The following MEGF11 variants were observed in gnomAD, a reference collection of about 807,000 sequenced individuals.
MEGF11 encodes the protein multiple EGF like domains 11, also known as multiple epidermal growth factor-like domains protein 11.
MEGF11 carries 126 observed loss-of-function variants against 146.6 expected under a neutral mutation model. That is an observed-to-expected ratio of 0.86 (90% CI 0.74 to 1.00). The LOEUF (loss-of-function observed/expected upper bound fraction) is 1.00. MEGF11 is among the 50% of genes least tolerant of loss of function. MEGF11 has a pLI of 0.00. For synonymous variants in MEGF11, 532 were observed against 583.4 expected (o/e 0.91, Z 1.27); for missense variants, 1,509 against 1,521.2 (o/e 0.99, Z 0.13).
intron 1 of MEGF11, among the ~76,000 whole-genome samples, chr15:66,165,682 T>G (rs972865185): frequency 3.3e-5 from 5 of 151,828 alleles, no homozygotes; most frequent in Non-Finnish European, 7.4e-5. Context: ...CTCCCTCATT[T>G]CTCCTGTCTC....
intron 5 of MEGF11, among the ~76,000 whole-genome samples, chr15:66,041,812 C>T (rs1470928980): frequency 1.3e-5 from 2 of 152,150 alleles, no homozygotes; most frequent in Non-Finnish European, 2.9e-5. Flanking sequence ...ATCATCACTC[C>T]CATTTTACAG....
At chr15:65,966,321 A>G (rs1175631036) in intron 8 of MEGF11, among the ~76,000 whole-genome samples, 1 of 152,206 alleles carries the variant, frequency 6.6e-6, no homozygotes, top group Non-Finnish European at 1.5e-5. Context: ...CTGAAATTAG[A>G]TAAGTCTTGT....
In MEGF11 at chr15:65,915,605, G is replaced by A. The variant is rs767672933; in HGVS notation, c.2345-7C>T. 7 of 1,613,404 alleles carry A rather than the reference G, an allele frequency of 4.3e-6. No homozygotes were observed. The highest frequency in any genetic ancestry group is 5.9e-6 in the Non-Finnish European group (7 of 1,179,632). ...AAGGTTCCTGGGGCACATCCTGTGT[G>A]GCACAAAGAGTTAGGGTAGAGGACC... is the stretch of plus-strand genomic sequence containing the variant. On this transcript the variant is annotated splice_polypyrimidine_tract_variant and splice_region_variant and intron_variant, in intron 18 of 25. Coordinates refer to ENST00000395614, the MANE Select transcript of MEGF11 (RefSeq NM_001385028.1).
intron 5 of MEGF11, among the ~76,000 whole-genome samples, chr15:66,015,542 A>G (rs2082857096): frequency 1.3e-5 from 2 of 152,192 alleles, no homozygotes; most frequent in African/African-American, 2.4e-5. Flanking sequence ...AGAAAGTCAT[A>G]AAAGTTATAG....
chr15:65,984,590 A>C (rs1321283990), intron 5 of MEGF11, among the ~76,000 whole-genome samples: 1 of 146,634 alleles, frequency 6.8e-6, no homozygotes, highest in Non-Finnish European at 1.5e-5. Context: ...CCAGCAGTCC[A>C]GCACCTCCTA....
chr15:65,965,803 T>C (rs945612912), intron 8 of MEGF11, among the ~76,000 whole-genome samples: 6 of 151,874 alleles, frequency 4.0e-5, no homozygotes, highest in Non-Finnish European at 8.8e-5. Flanking sequence ...GTCTTGGGTA[T>C]TTTGTTATAG....
intron 1 of MEGF11, among the ~76,000 whole-genome samples, chr15:66,242,719 T>C (rs2092234726): frequency 6.6e-6 from 1 of 152,098 alleles, no homozygotes; most frequent in Non-Finnish European, 1.5e-5. Flanking sequence ...ACACAGAAGT[T>C]ACTGTCAACT....
At chr15:65,968,173 A>G (rs778443942) in intron 8 of MEGF11, among the ~76,000 whole-genome samples, 2 of 152,096 alleles carry the variant, frequency 1.3e-5, no homozygotes, top group Non-Finnish European at 2.9e-5. Context: ...TAGAAGACAG[A>G]AGGAGGAGAA....
intron 1 of MEGF11, among the ~76,000 whole-genome samples, chr15:66,225,441 A>T (rs112659688): frequency 0.014 from 2,098 of 152,310 alleles, 45 homozygotes; most frequent in African/African-American, 0.047. Context: ...AGGAGCGGGG[A>T]GACCAGCGCT....
At chr15:65,984,070 C>T (rs563296381) in intron 5 of MEGF11, among the ~76,000 whole-genome samples, 1 of 152,324 alleles carries the variant, frequency 6.6e-6, no homozygotes, top group East Asian at 1.9e-4. Context: ...ATTACCCTAT[C>T]TTGGTTCATC....
At chr15:66,158,655 A>C (rs2089847578) in intron 1 of MEGF11, among the ~76,000 whole-genome samples, 1 of 152,232 alleles carries the variant, frequency 6.6e-6, no homozygotes, top group Non-Finnish European at 1.5e-5. Flanking sequence ...GGGAAGCAGG[A>C]TTTTTGAAAG....
At position 66,124,052 on chromosome 15, in the gene MEGF11, C is replaced by G. The variant is rs911122560; in HGVS notation, c.99-52G>C. 15 of 1,454,202 alleles carry G rather than the reference C, an allele frequency of 1.0e-5. No individual in the cohort carries two copies. The East Asian group carries it at 1.8e-4, about 18-fold the overall frequency. The allele number at this position is 1,454,202 out of a possible 1,614,324, so 90.1% of individuals were successfully genotyped here. A position where few individuals can be genotyped will look rare whatever the true frequency, so the allele number is the denominator to read the frequency against. On this transcript the variant is annotated intron_variant, in intron 2 of 25. Transcript: ENST00000395614. ...CATGATTAGCACTTGGGAAGCTGAG[C>G]TGATATTCCGCAGGGCATCTGAGCC...
chr15:65,920,792 T>A (rs1482671467), intron 15 of MEGF11, among the ~76,000 whole-genome samples: 3 of 152,240 alleles, frequency 2.0e-5, no homozygotes, highest in African/African-American at 7.2e-5. Flanking sequence ...GGTTTAAGAC[T>A]TAACCAGGGC....
At chr15:66,025,186 G>A (rs2083285368) in intron 5 of MEGF11, among the ~76,000 whole-genome samples, 1 of 152,230 alleles carries the variant, frequency 6.6e-6, no homozygotes, top group Non-Finnish European at 1.5e-5. Context: ...GCAAGTCTAT[G>A]CAAAACCTGG....
chr15:66,238,967 T>C (rs1437994138), intron 1 of MEGF11, among the ~76,000 whole-genome samples: 1 of 152,240 alleles, frequency 6.6e-6, no homozygotes, highest in Non-Finnish European at 1.5e-5. Context: ...CATTGCTCAC[T>C]GCTGTACGCC....
At chr15:66,035,085 A>T (rs1226373544) in intron 5 of MEGF11, among the ~76,000 whole-genome samples, 1 of 152,194 alleles carries the variant, frequency 6.6e-6, no homozygotes, top group East Asian at 1.9e-4. Flanking sequence ...GGTCTGTGGC[A>T]TTCTGTTATA....
chr15:66,203,084 CACAA>C (rs2091209024), intron 1 of MEGF11, among the ~76,000 whole-genome samples: 1 of 152,170 alleles, frequency 6.6e-6, no homozygotes, highest in Non-Finnish European at 1.5e-5. Flanking sequence ...ATCCTGGACT[CACAA>C]AAGTCAGCCC....
At chr15:65,909,170 C>T (rs747281793) in intron 22 of MEGF11, 35 bp from the exon 23 acceptor site, 587 of 1,407,524 alleles carry the variant, frequency 4.2e-4, no homozygotes, top group Non-Finnish European at 5.5e-4. Context: ...AGCCATTATT[C>T]CCAGGGCCCT....
At chr15:66,104,861 G>C (rs1224507082) in intron 4 of MEGF11, among the ~76,000 whole-genome samples, 3 of 152,138 alleles carry the variant, frequency 2.0e-5, no homozygotes, top group Non-Finnish European at 4.4e-5. Context: ...CAAAACGCGA[G>C]TCCTCTCAAC....
Sources: gnomAD v4.1 joint callset for allele counts (sites outside exome capture counted in the v4.1 genomes callset) on GRCh38, gnomAD v4.1.1 for gene constraint, MANE v1.5 for transcripts, NCBI Gene and HGNC (gene_info 2026-07-23, HGNC 2026-07-21) for gene names.